GRIK4: variants seen among roughly 807,000 people sequenced by gnomAD.
GRIK4 encodes glutamate receptor ionotropic, kainate 4.
In GRIK4, 40 loss-of-function variants were observed where a neutral mutation model predicts 104.9. That is an observed-to-expected ratio of 0.38 (90% CI 0.30 to 0.50). The LOEUF (loss-of-function observed/expected upper bound fraction) is 0.50, where lower values mean the gene tolerates loss of function less well. GRIK4 is among the 20% of genes least tolerant of loss of function. GRIK4 has a pLI of 0.93. For synonymous variants in GRIK4, 485 were observed against 524.9 expected (o/e 0.92, Z 1.04); for missense variants, 1,047 against 1,308.1 (o/e 0.80, Z 3.08).
intron 1 of GRIK4, among the ~76,000 whole-genome samples, chr11:120,591,564 C>T (rs1948733471): frequency 6.6e-6 from 1 of 152,134 alleles, no homozygotes; most frequent in African/African-American, 2.4e-5. Context: ...TCAGTGTGCA[C>T]CCCAGCTGCC....
At position 120,525,034 on chromosome 11, in the gene GRIK4, C is replaced by T. The variant is rs569879886; in HGVS notation, c.-159+13147C>T. ...CTGGTCAAGGCTGCTGGACAGGCTTCCCCTTCTTACCCTTCTCAGTGGATC... is the reference window on the plus strand; with the variant it reads ...CTGGTCAAGGCTGCTGGACAGGCTTTCCCTTCTTACCCTTCTCAGTGGATC... On this transcript the variant is annotated intron_variant, in intron 1 of 20. Transcript: ENST00000527524. Among the ~76,000 whole-genome samples the T allele has an allele frequency of 6.6e-4, 100 of 152,288 alleles. 3 individuals are homozygous for T. The South Asian group carries it at 0.018, about 28-fold the overall frequency.
intron 1 of GRIK4, among the ~76,000 whole-genome samples, chr11:120,642,522 AGGT>A (rs1000812689): frequency 8.9e-5 from 13 of 145,278 alleles, no homozygotes; most frequent in Admixed American, 4.2e-4. Flanking sequence ...AATCTATGCT[AGGT>A]GGTCCCCAAG....
chr11:120,696,414 G>C (rs1950449691), intron 3 of GRIK4, among the ~76,000 whole-genome samples: 1 of 151,432 alleles, frequency 6.6e-6, no homozygotes, highest in Non-Finnish European at 1.5e-5. Context: ...CTTTCCGGGA[G>C]AGCTTCCTAG....
In GRIK4 at chr11:120,513,159, T is replaced by C. The variant is rs1442754170; in HGVS notation, c.-159+1272T>C. On this transcript the variant is annotated intron_variant, in intron 1 of 20. Transcript: ENST00000527524. This position sits in a 1 kb window ranked among gnomAD's most constrained non-coding sequence, Gnocchi z 4.5. The stretch of plus-strand genomic sequence containing the variant: ...ACAGCTGGGCCCTTTTGCCAGGCAG[T>C]GGGCAGCTGTCAAGACCAGGCCAAG... 6.6e-6 allele frequency among the ~76,000 whole-genome samples: 1 copy of C among 152,152 alleles called. No homozygotes were observed. The highest frequency in any genetic ancestry group is 1.5e-5 in the Non-Finnish European group (1 of 68,030).
At chr11:120,673,659 C>T (rs1021378107) in intron 3 of GRIK4, among the ~76,000 whole-genome samples, 1 of 152,222 alleles carries the variant, frequency 6.6e-6, no homozygotes, top group Non-Finnish European at 1.5e-5. Flanking sequence ...TCTGAGACTT[C>T]ACTCTGATGC....
intron 18 of GRIK4, among the ~76,000 whole-genome samples, chr11:120,964,262 G>T (rs1944346139): frequency 6.6e-6 from 1 of 152,134 alleles, no homozygotes; most frequent in South Asian, 2.1e-4. Flanking sequence ...AAAGTGCTGG[G>T]ATTACAGGCG....
rs1411967137 is a variant in GRIK4 at position 120,555,895 on chromosome 11, T to C, written c.-159+44008T>C. Among the ~76,000 whole-genome samples, 1 of 152,114 alleles carries C rather than the reference T, an allele frequency of 6.6e-6. No individual in the cohort carries two copies. Among genetic ancestry groups the C allele is most frequent in the African/African-American group, 2.4e-5 (1 of 41,416 alleles). On this transcript the variant is annotated intron_variant, in intron 1 of 20. Transcript: ENST00000527524. The surrounding 1 kb of genome is among the most constrained non-coding windows in gnomAD (Gnocchi z 5.3). ...AATGCCTTGTCTTGGATGTGACAAC[T>C]GGGGCAATGACCAGGTTGACACAGG...
chr11:120,775,618 G>A (rs2135463476), intron 3 of GRIK4, among the ~76,000 whole-genome samples: 1 of 152,350 alleles, frequency 6.6e-6, no homozygotes, highest in South Asian at 2.1e-4. Flanking sequence ...ATTAGGATGG[G>A]GCAGCGATGA....
intron 3 of GRIK4, among the ~76,000 whole-genome samples, chr11:120,701,232 A>G (rs568479303): frequency 7.2e-5 from 11 of 152,088 alleles, no homozygotes; most frequent in Non-Finnish European, 1.5e-4. Context: ...TGTTCTTCCT[A>G]TATCTCTGCT....
intron 3 of GRIK4, among the ~76,000 whole-genome samples, chr11:120,790,492 A>C (rs2135490852): frequency 6.6e-6 from 1 of 152,290 alleles, no homozygotes; most frequent in South Asian, 2.1e-4. Context: ...AAAACAGCTG[A>C]GTACGTTCCA....
chr11:120,895,855 A>G (rs564831475), intron 11 of GRIK4, among the ~76,000 whole-genome samples: 2 of 152,308 alleles, frequency 1.3e-5, no homozygotes, highest in South Asian at 4.1e-4. Flanking sequence ...CCCTTTCCCC[A>G]TTCATTTGGA....
chr11:120,835,376 A>C (rs999220700), intron 7 of GRIK4, among the ~76,000 whole-genome samples: 1 of 152,116 alleles, frequency 6.6e-6, no homozygotes, highest in African/African-American at 2.4e-5. Flanking sequence ...AAAAATACAA[A>C]AATTAGCCAG....
Position 120,986,015 on chromosome 11 carries a change from C to T in GRIK4, c.2626C>T (p.Pro876Ser). 6 of 1,527,958 alleles carry T rather than the reference C, an allele frequency of 3.9e-6. No individual in the cohort carries two copies. Among genetic ancestry groups the T allele is most frequent in the East Asian group, 2.6e-5 (1 of 38,424 alleles). 94.7% of individuals were successfully genotyped at this position (1,527,958 alleles called of 1,614,324 possible). A position where few individuals can be genotyped will look rare whatever the true frequency, so the allele number is the denominator to read the frequency against. ...AAVPPPRPPIPEERRPRGTAT... is the reference protein window; with the variant it reads ...AAVPPPRPPISEERRPRGTAT... ...AGTCCCGCCGCCCCGGCCCCCCATC[C>T]CCGAGGAGCGCCGACCGCGGGGCAC... The change falls in exon 21 of 21, where the codon CCC becomes TCC. Residue 876 changes from proline (P) to serine (S), a missense_variant. By Grantham distance (74) the Pro-to-Ser change is moderately conservative. Around this residue, in one of 3 missense-constraint regions of GRIK4, gnomAD observed 160 missense variants for 140.9 expected, o/e 1.14. Coordinates refer to ENST00000527524, the MANE Select transcript of GRIK4 (RefSeq NM_014619.5).
chr11:120,536,258 A>G (rs1947972756), intron 1 of GRIK4, among the ~76,000 whole-genome samples: 1 of 152,258 alleles, frequency 6.6e-6, no homozygotes, highest in Non-Finnish European at 1.5e-5. Flanking sequence ...TGAGAACACA[A>G]AAGAGGAGCT....
intron 3 of GRIK4, among the ~76,000 whole-genome samples, chr11:120,753,326 TGTGTGTGTGTGTGTGTG>T (rs1951593445): frequency 7.5e-6 from 1 of 132,588 alleles, no homozygotes; most frequent in South Asian, 2.9e-4. Context: ...TGTGTGTGTG[TGTGTGTGTGTGTGTGTG>T]CAGGGTGGCT....
intron 1 of GRIK4, among the ~76,000 whole-genome samples, chr11:120,645,583 C>G (rs1408757915): frequency 6.6e-6 from 1 of 152,196 alleles, no homozygotes; most frequent in African/African-American, 2.4e-5. Flanking sequence ...ACTTCAATGC[C>G]AGAAATCCTT....
intron 13 of GRIK4, among the ~76,000 whole-genome samples, chr11:120,917,517 C>G (rs531124941): frequency 6.6e-6 from 1 of 152,222 alleles, no homozygotes; most frequent in African/African-American, 2.4e-5. Flanking sequence ...GCTGGGAGCC[C>G]CGAGCAGGGC....
intron 14 of GRIK4, among the ~76,000 whole-genome samples, chr11:120,950,828 G>A (rs1400172374): frequency 1.3e-5 from 2 of 152,208 alleles, no homozygotes; most frequent in South Asian, 4.1e-4. Flanking sequence ...TTTGCCTTCT[G>A]TTAGAGGATT....
chr11:120,771,896 C>A (rs1427594611), intron 3 of GRIK4, among the ~76,000 whole-genome samples: 2 of 152,252 alleles, frequency 1.3e-5, no homozygotes, highest in Non-Finnish European at 2.9e-5. Flanking sequence ...GGAGAACCCC[C>A]ACTTGGGCAA....
Sources: allele counts gnomAD v4.1 joint callset (sites outside exome capture counted in the v4.1 genomes callset), GRCh38; gene constraint gnomAD v4.1.1; regional missense constraint gnomAD v4.1.1; non-coding constraint Gnocchi (gnomAD v3.1); transcripts MANE v1.5; gene names NCBI Gene and HGNC (gene_info 2026-07-23, HGNC 2026-07-21).